Variants in CCDC141 observed in about 807,000 individuals in gnomAD.
CCDC141 encodes the protein coiled-coil domain containing 141.
In CCDC141, 168 loss-of-function variants were observed where a neutral mutation model predicts 181.0. That is an observed-to-expected ratio of 0.93 (90% CI 0.82 to 1.05). The LOEUF (loss-of-function observed/expected upper bound fraction) is 1.05. Ranked by LOEUF, CCDC141 falls within the 50% of genes least tolerant of loss-of-function variation. CCDC141 has a pLI of 0.00. For missense variants in CCDC141, 1,902 were observed against 1,788.5 expected (o/e 1.06, Z -1.14); for synonymous variants, 666 against 642.3 (o/e 1.04, Z -0.56).
intron 2 of CCDC141, among the ~76,000 whole-genome samples, chr2:179,012,522 C>G (rs994739413): frequency 2.0e-5 from 3 of 152,036 alleles, no homozygotes; most frequent in Admixed American, 2.0e-4. Flanking sequence ...GGATTCACAG[C>G]AGAATTATAC....
At chr2:178,935,336 C>T (rs1045899420) in intron 6 of CCDC141, among the ~76,000 whole-genome samples, 5 of 152,108 alleles carry the variant, frequency 3.3e-5, no homozygotes, top group Non-Finnish European at 7.4e-5. Flanking sequence ...CATAAGTGCT[C>T]ATGATTTGAC....
At chr2:178,899,390 C>A (rs1332966312) in intron 8 of CCDC141, among the ~76,000 whole-genome samples, 1 of 151,898 alleles carries the variant, frequency 6.6e-6, no homozygotes, top group East Asian at 1.9e-4. Flanking sequence ...TTTATTGAGC[C>A]CTTTCTATGT....
Position 178,845,689 on chromosome 2 carries a change from G to A in CCDC141, c.3411C>T (p.Tyr1137=), listed in dbSNP as rs1352225102. 1.2e-6 allele frequency: 2 copies of A among 1,612,536 alleles called. No homozygotes were observed. The highest frequency in any genetic ancestry group is 8.5e-7 in the Non-Finnish European group (1 of 1,178,756). Residue 1137 remains tyrosine, a synonymous_variant, in exon 22 of 24, where the codon TAC becomes TAT. Transcript: ENST00000443758. ...NPNLEDFHYD[Y]IDLLKEPAKN... ...TTGCTGGTTCCTTTAGCAAGTCAAT[G>A]TAATCATAATGGAAGTCTTCCAAAT...
chr2:178,833,152 C>T lies in CCDC141; in HGVS notation c.*1021G>A, dbSNP rs1314401251. 6.6e-6 allele frequency: 1 copy of T among 152,048 alleles called. No homozygotes were observed. Among genetic ancestry groups the T allele is most frequent in the Non-Finnish European group, 1.5e-5 (1 of 68,024 alleles). 9.4% of individuals were successfully genotyped at this position (152,048 alleles called of 1,614,324 possible). A position where few individuals can be genotyped will look rare whatever the true frequency, so the allele number is the denominator to read the frequency against. ...CTAGTTGAAGATTACATATTAACAG[C>T]ACTCCTTTAATTTAATATTCTAAAA... On this transcript the variant is annotated 3_prime_UTR_variant, in exon 24 of 24. Transcript: ENST00000443758.
chr2:178,861,453 T>C (rs2154368140), intron 17 of CCDC141, among the ~76,000 whole-genome samples: 1 of 152,076 alleles, frequency 6.6e-6, no homozygotes, highest in South Asian at 2.1e-4. Flanking sequence ...CTGGCCAACA[T>C]GGTGAAACCC....
intron 3 of CCDC141, among the ~76,000 whole-genome samples, chr2:178,976,837 T>C (rs1027325550): frequency 2.6e-5 from 4 of 152,194 alleles, no homozygotes; most frequent in African/African-American, 9.6e-5. Flanking sequence ...GTTTGTTTGT[T>C]ACCTGCAGAA....
At chr2:179,004,019 A>G (rs997875443) in intron 2 of CCDC141, among the ~76,000 whole-genome samples, 58 of 152,190 alleles carry the variant, frequency 3.8e-4, no homozygotes, top group Non-Finnish European at 7.1e-4. Context: ...ACTACTTAAA[A>G]TTGAATGTAG....
At chr2:178,975,473 A>G (rs1691079194) in intron 3 of CCDC141, among the ~76,000 whole-genome samples, 1 of 152,152 alleles carries the variant, frequency 6.6e-6, no homozygotes, top group Admixed American at 6.6e-5. Flanking sequence ...TTTTTCAACC[A>G]AAATTATAGT....
At chr2:178,827,358 T>C (rs973123922), downstream of CCDC141, among the ~76,000 whole-genome samples, 21 of 152,236 alleles carry the variant, frequency 1.4e-4, no homozygotes, top group African/African-American at 5.1e-4. Flanking sequence ...GTCAATTAGA[T>C]GAAGTAGATT....
intron 8 of CCDC141, among the ~76,000 whole-genome samples, chr2:178,896,726 A>C (rs984840462): frequency 2.0e-5 from 3 of 152,198 alleles, no homozygotes; most frequent in Non-Finnish European, 4.4e-5. Flanking sequence ...TACTCACACC[A>C]ACCCTTACTG....
chr2:179,004,212 A>T (rs2042061629), intron 2 of CCDC141, among the ~76,000 whole-genome samples: 1 of 152,196 alleles, frequency 6.6e-6, no homozygotes. Flanking sequence ...GACTGCATTA[A>T]TGATTAGGGA....
At chr2:178,869,435 A>C in intron 14 of CCDC141, 130 bp from the exon 15 acceptor site, 1 of 620,592 alleles carries the variant, frequency 1.6e-6, no homozygotes, top group South Asian at 2.9e-5. Flanking sequence ...GAATGCCCCC[A>C]CCCTCCAAAA....
At chr2:179,015,286 C>CTCATCTATATCAT (rs2042443139) in intron 2 of CCDC141, among the ~76,000 whole-genome samples, 2 of 120,862 alleles carry the variant, frequency 1.7e-5, no homozygotes, top group African/African-American at 3.2e-5. Context: ...ATCTATCTCT[C>CTCATCTATATCAT]ATATATCTCA....
intron 5 of CCDC141, among the ~76,000 whole-genome samples, chr2:178,946,749 G>A (rs905368181): frequency 1.3e-5 from 2 of 152,132 alleles, no homozygotes; most frequent in Non-Finnish European, 2.9e-5. Flanking sequence ...GGTATCTACT[G>A]ACCTCATCTT....
At chr2:178,903,773 A>T (rs199868245) in intron 8 of CCDC141, among the ~76,000 whole-genome samples, 7 of 149,216 alleles carry the variant, frequency 4.7e-5, no homozygotes, top group South Asian at 2.1e-4. Flanking sequence ...TTAAAAAAAA[A>T]TTAAAAAAAA....
chr2:178,861,199 CTCTCTTG>C (rs1685600936), intron 17 of CCDC141, among the ~76,000 whole-genome samples: 1 of 151,712 alleles, frequency 6.6e-6, no homozygotes, highest in Non-Finnish European at 1.5e-5. Flanking sequence ...TAGAGTCTCA[CTCTCTTG>C]TCCAGGCTAG....
chr2:178,965,825 G>GCAGTTCC (rs1690603743), intron 4 of CCDC141, among the ~76,000 whole-genome samples: 1 of 152,152 alleles, frequency 6.6e-6, no homozygotes, highest in Non-Finnish European at 1.5e-5. Flanking sequence ...GTCTGACTTA[G>GCAGTTCC]CAGTTCCCAC....
intron 6 of CCDC141, among the ~76,000 whole-genome samples, chr2:178,920,191 C>T (rs896364569): frequency 4.6e-5 from 7 of 152,124 alleles, no homozygotes; most frequent in Non-Finnish European, 7.4e-5. Flanking sequence ...ACTTGTGAAG[C>T]GTGGAAAATT....
intron 21 of CCDC141, 135 bp downstream of exon 21, chr2:178,849,914 G>C: frequency 1.7e-6 from 1 of 577,694 alleles, no homozygotes; most frequent in Non-Finnish European, 3.1e-6. Flanking sequence ...AATTATGTTT[G>C]AAAGCTGTAA....
Sources: allele counts gnomAD v4.1 joint callset (sites outside exome capture counted in the v4.1 genomes callset), GRCh38; gene constraint gnomAD v4.1.1; transcripts MANE v1.5; gene names NCBI Gene and HGNC (gene_info 2026-07-23, HGNC 2026-07-21).